ABCC2: variants seen among roughly 807,000 people sequenced by gnomAD.
The protein encoded by ABCC2 is ATP binding cassette subfamily C member 2.
Under a neutral mutation model 173.4 loss-of-function variants are expected in ABCC2, and 157 were observed. The ratio of observed to expected loss-of-function variants is 0.91; its 90% CI spans 0.80 to 1.03. The LOEUF is 1.03. ABCC2 is among the 50% of genes least tolerant of loss of function. The probability of loss-of-function intolerance (pLI) is 0.00; values close to 1 mark genes in which losing one functional copy is unlikely to be tolerated. For synonymous variants in ABCC2, 657 were observed against 693.5 expected (o/e 0.95, Z 0.83); for missense variants, 1,822 against 1,852.3 (o/e 0.98, Z 0.30).
Position 99,851,390 on chromosome 10 carries a change from TG to T in ABCC2, c.4509-111del, listed in dbSNP as rs2133159610. On this transcript the variant is annotated intron_variant, in intron 31 of 31. Coordinates refer to ENST00000647814, the MANE Select transcript of ABCC2 (RefSeq NM_000392.5). The stretch of plus-strand genomic sequence containing the variant: ...GTAGCTGTGGCTCATTGATTTTCAC[TG>T]CTTTGTAGCCTTGTCTGACTATACC... 3.9e-6 allele frequency: 5 copies of T among 1,276,866 alleles called. No homozygotes were observed. In the South Asian group the frequency reaches 6.0e-5, roughly 15 times the overall value. 79.1% of individuals were successfully genotyped at this position (1,276,866 alleles called of 1,614,324 possible).
At position 99,807,442 on chromosome 10, in the gene ABCC2, A is replaced by G. The variant is rs2038131127; in HGVS notation, c.1589A>G (p.Lys530Arg). Residue 530 changes from lysine (K) to arginine (R), a missense_variant, in exon 12 of 32, where the codon AAG becomes AGG. Transcript: ENST00000647814. ...SFRDQVQNLR[K>R]KELKNLLAFS... ...AGAGACCAAGTACAAAACCTCCGGA[A>G]GAAAGAGCTCAAGAACCTGCTGGCC... 3.1e-6 allele frequency: 5 copies of G among 1,614,144 alleles called. No individual in the cohort carries two copies. The highest frequency in any genetic ancestry group is 4.2e-6 in the Non-Finnish European group (5 of 1,179,988).
In ABCC2 at chr10:99,844,403, T is replaced by C; in HGVS notation, c.3925T>C (p.Tyr1309His). ...CCAGTTTAACAACTACCAAGTGCGGTACCGACCTGAGCTGGATCTGGTCCT... is the reference window on the plus strand; with the variant it reads ...CCAGTTTAACAACTACCAAGTGCGGCACCGACCTGAGCTGGATCTGGTCCT... ...KIQFNNYQVR[Y>H]RPELDLVLRG... is the part of the protein sequence containing the mutation. The change falls in exon 28 of 32, where the codon TAC (tyrosine) becomes CAC (histidine). Residue 1309 changes from tyrosine (Y) to histidine (H), a missense_variant. Coordinates refer to ENST00000647814, the MANE Select transcript of ABCC2 (RefSeq NM_000392.5). The C allele has an allele frequency of 6.2e-7, 1 of 1,614,214 alleles. No individual in the cohort carries two copies. The highest frequency in any genetic ancestry group is 8.5e-7 in the Non-Finnish European group (1 of 1,180,032).
chr10:99,845,532 T>C (rs1353798983), intron 28 of ABCC2, 92 bp from the exon 29 acceptor site: 31 of 1,518,258 alleles, frequency 2.0e-5, no homozygotes, highest in Non-Finnish European at 2.8e-5. Context: ...AGTCACTGCC[T>C]CTTACCTCCT....
chr10:99,817,961 C>T (rs1423425507), intron 17 of ABCC2, among the ~76,000 whole-genome samples: 4 of 152,184 alleles, frequency 2.6e-5, no homozygotes, highest in Admixed American at 1.3e-4. Flanking sequence ...CAGTGGCTCA[C>T]GCCTATAATC....
At chr10:99,783,695 G>A (rs1350955866) in intron 1 of ABCC2, among the ~76,000 whole-genome samples, 1 of 152,130 alleles carries the variant, frequency 6.6e-6, no homozygotes, top group East Asian at 1.9e-4. Context: ...GGGCAGGGAT[G>A]AGATAGCAGA....
intron 2 of ABCC2, chr10:99,789,306 T>C (rs1357414709): frequency 6.6e-6 from 1 of 152,216 alleles, no homozygotes; most frequent in African/African-American, 2.4e-5. Context: ...CAAGGATGGA[T>C]AACTTTCATC....
In ABCC2 at chr10:99,822,166, G is replaced by C. The variant is rs569006952; in HGVS notation, c.2620+2897G>C. ...AATTAAGGGCGGGAAAGGCACATAG[G>C]CCCAGTAGGTATAGTTAGCTGCAGC... is the stretch of plus-strand genomic sequence containing the variant. On this transcript the variant is annotated intron_variant, in intron 19 of 31. Coordinates refer to ENST00000647814, the MANE Select transcript of ABCC2 (RefSeq NM_000392.5). Among the ~76,000 whole-genome samples, 260 of 152,286 alleles carry C rather than the reference G, an allele frequency of 1.7e-3. 1 individual carries two copies. The highest frequency in any genetic ancestry group is 0.01 in the Middle Eastern group (3 of 294).
At position 99,845,798 on chromosome 10, in the gene ABCC2, T is replaced by C. The variant is rs563052819; in HGVS notation, c.4146+16T>C. On this transcript the variant is annotated intron_variant, in intron 29 of 31. Coordinates refer to ENST00000647814, the MANE Select transcript of ABCC2 (RefSeq NM_000392.5). Reference sequence around the variant, plus strand: ...CATCCCCCAGGTGAGCTCTAGAACTTACTCGGGCACATGCCGTGGGGAGCA... The same window carrying C: ...CATCCCCCAGGTGAGCTCTAGAACTCACTCGGGCACATGCCGTGGGGAGCA... The C allele has an allele frequency of 1.9e-5, 31 of 1,605,216 alleles. No homozygotes were observed. The highest frequency in any genetic ancestry group is 1.8e-4 in the Middle Eastern group (1 of 5,482).
chr10:99,814,334 CAT>C lies in ABCC2; in HGVS notation c.2094+1191_2094+1192del, dbSNP rs1491206798. ...GTATATACACACGTATGTATACACA[CAT>C]GTATATATACACACGTATGTATACA... is the stretch of plus-strand genomic sequence containing the variant. On this transcript the variant is annotated intron_variant, in intron 16 of 31. Transcript: ENST00000647814. Among the ~76,000 whole-genome samples, 28 of 140,716 alleles carry C rather than the reference CAT, an allele frequency of 2.0e-4. 1 individual carries two copies. Among genetic ancestry groups the C allele is most frequent in the African/African-American group, 7.0e-4 (26 of 37,244 alleles). The allele number at this position is 140,716 out of a possible 152,430, so 92.3% of individuals were successfully genotyped here.
rs564080831 is a variant in ABCC2, at chr10:99,798,817, G to A, written c.868-390G>A. ...GGGCTTCAACATAGCTTTTGGGGGT[G>A]GGGATACAATTCAACCCATAACATC... is the stretch of plus-strand genomic sequence containing the variant. On this transcript the variant is annotated intron_variant, in intron 7 of 31. Coordinates refer to ENST00000647814, the MANE Select transcript of ABCC2 (RefSeq NM_000392.5). Among the ~76,000 whole-genome samples the A allele has an allele frequency of 2.6e-5, 4 of 152,188 alleles. No homozygotes were observed. The East Asian group carries it at 7.7e-4, about 29-fold the overall frequency.
At chr10:99,792,842 C>T (rs367738247) in intron 3 of ABCC2, among the ~76,000 whole-genome samples, 1 of 152,160 alleles carries the variant, frequency 6.6e-6, no homozygotes, top group Non-Finnish European at 1.5e-5. Flanking sequence ...TAATTGCCAT[C>T]AATTCAGTGG....
intron 18 of ABCC2, 37 bp downstream of exon 18, chr10:99,818,994 G>A (rs765367235): frequency 6.2e-7 from 1 of 1,612,894 alleles, no homozygotes; most frequent in Non-Finnish European, 8.5e-7. Context: ...ATATAAAGGT[G>A]GGGTGGGAGG....
chr10:99,784,754 T>C lies in ABCC2; in HGVS notation c.180T>C (p.Ser60=). 6.2e-7 allele frequency: 1 copy of C among 1,614,168 alleles called. No individual in the cohort carries two copies. The highest frequency in any genetic ancestry group is 8.5e-7 in the Non-Finnish European group (1 of 1,180,034). The part of the protein sequence containing the change: ...HVYKSRTKRS[S]TTKLYLAKQV... Reference sequence around the variant, plus strand: ...ATAAATCCAGGACCAAGAGATCCTCTACCACCAAACTCTATCTTGCTAAGC... The same window carrying C: ...ATAAATCCAGGACCAAGAGATCCTCCACCACCAAACTCTATCTTGCTAAGC... The change falls in exon 2 of 32, where the codon TCT becomes TCC. Residue 60 remains serine (S), a synonymous_variant. Transcript: ENST00000647814.
intron 5 of ABCC2, 114 bp from the exon 6 acceptor site, chr10:99,794,299 A>G (rs2037859106): frequency 2.0e-6 from 2 of 998,616 alleles, no homozygotes; most frequent in Non-Finnish European, 1.6e-6. Flanking sequence ...CTTTAACATC[A>G]TATCTAGTTT....
chr10:99,814,268 T>C (rs1264802828), intron 16 of ABCC2, among the ~76,000 whole-genome samples: 1 of 40,050 alleles, frequency 2.5e-5, no homozygotes, highest in Non-Finnish European at 5.0e-5. Flanking sequence ...CACACGTATG[T>C]ATACACACGT....
chr10:99,797,134 G>C lies in ABCC2; in HGVS notation c.670G>C (p.Glu224Gln). Residue 224 changes from glutamate to glutamine, a missense_variant, in exon 7 of 32, where the codon GAG becomes CAG. Transcript: ENST00000647814. ...AGGCTACAAGCGTCCTCTGACACTC[G>C]AGGATGTCTGGGAAGTTGATGAAGA... Reference protein sequence around the residue: ...LKGYKRPLTLEDVWEVDEEMK... With the variant: ...LKGYKRPLTLQDVWEVDEEMK... 3 of 1,614,148 alleles carry C rather than the reference G, an allele frequency of 1.9e-6. No individual in the cohort carries two copies. The highest frequency in any genetic ancestry group is 1.7e-6 in the Non-Finnish European group (2 of 1,180,004).
chr10:99,833,391 T>G (rs2038770222), intron 23 of ABCC2, among the ~76,000 whole-genome samples: 1 of 152,244 alleles, frequency 6.6e-6, no homozygotes, highest in Non-Finnish European at 1.5e-5. Flanking sequence ...AGTCATAGTT[T>G]GAAGACTGCT....
In ABCC2 at chr10:99,814,302, CACACATGTATAT is replaced by C. The variant is rs1419260863; in HGVS notation, c.2094+1164_2094+1175del. Among the ~76,000 whole-genome samples, 616 of 71,440 alleles carry C rather than the reference CACACATGTATAT, an allele frequency of 8.6e-3. 9 individuals are homozygous for C. The highest frequency in any genetic ancestry group is 9.7e-3 in the Non-Finnish European group (342 of 35,350). 46.9% of individuals were successfully genotyped at this position (71,440 alleles called of 152,430 possible). ...GTATGTATACACACACGTATGTATACACACATGTATATACACACGTATGTATACACACATGTA... is the reference window on the plus strand; with the variant it reads ...GTATGTATACACACACGTATGTATACACACACGTATGTATACACACATGTA... On this transcript the variant is annotated intron_variant, in intron 16 of 31. Transcript: ENST00000647814.
At chr10:99,809,605 G>A (rs1420103017) in intron 13 of ABCC2, among the ~76,000 whole-genome samples, 2 of 152,188 alleles carry the variant, frequency 1.3e-5, no homozygotes, top group Non-Finnish European at 2.9e-5. Flanking sequence ...GAAGTGCCTC[G>A]AAATCTTCTC....
Sources: allele counts gnomAD v4.1 joint callset (sites outside exome capture counted in the v4.1 genomes callset), GRCh38; gene constraint gnomAD v4.1.1; transcripts MANE v1.5; gene names NCBI Gene and HGNC (gene_info 2026-07-23, HGNC 2026-07-21).